Variants in TJP2 observed in about 807,000 individuals in gnomAD.
TJP2 encodes Friedreich ataxia region gene X104 (tight junction protein ZO-2).
A neutral mutation model predicts 133.1 loss-of-function variants in TJP2; 91 were observed. The observed-to-expected ratio is 0.68, with a 90% CI of 0.58 to 0.81. TJP2 has a LOEUF of 0.81. Among genes scored for constraint, TJP2 ranks in the 40% least tolerant of loss-of-function variants. TJP2 has a pLI of 0.00. For missense variants in TJP2, 1,541 were observed against 1,565.6 expected (o/e 0.98, Z 0.26); for synonymous variants, 592 against 583.4 (o/e 1.01, Z -0.21).
chr9:69,230,560 T>A (rs540986850), intron 11 of TJP2, among the ~76,000 whole-genome samples: 2 of 152,330 alleles, frequency 1.3e-5, no homozygotes, highest in African/African-American at 2.4e-5. Flanking sequence ...TGATTTTTGC[T>A]TTTTTCACTG....
intron 1 of TJP2, among the ~76,000 whole-genome samples, chr9:69,144,372 A>G (rs1587900691): frequency 1.3e-5 from 2 of 152,174 alleles, no homozygotes; most frequent in South Asian, 4.1e-4. Flanking sequence ...TGGGACACTC[A>G]CTTTGGACAT....
intron 19 of TJP2, chr9:69,249,129 T>C (rs1831142601): frequency 1.5e-6 from 2 of 1,309,134 alleles, no homozygotes; most frequent in South Asian, 1.7e-5. Context: ...CAAGAGATTT[T>C]AGACTTTTGG....
chr9:69,248,409 G>T, intron 19 of TJP2, 185 bp downstream of exon 19: 1 of 1,433,954 alleles, frequency 7.0e-7, no homozygotes, highest in South Asian at 1.6e-5. Context: ...AGTGGGGCAG[G>T]CAGGTGGACT....
chr9:69,205,092 A>G lies in TJP2; in HGVS notation c.61-7456A>G, dbSNP rs2498440. On this transcript the variant is annotated intron_variant, in intron 1 of 22. Coordinates refer to ENST00000377245, the MANE Select transcript of TJP2 (RefSeq NM_004817.4). ...TATTGTATCCGCCTTACGTAACCAC[A>G]TGGAGTGATGGAAATGGGTGAGCAG... 0.91 allele frequency: 1,398,449 copies of G among 1,531,160 alleles called. 639,292 individuals are homozygous for G. Among genetic ancestry groups the G allele is most frequent in the East Asian group, 0.94 (38,452 of 40,784 alleles). 94.8% of individuals were successfully genotyped at this position (1,531,160 alleles called of 1,614,324 possible).
At chr9:69,141,136 C>T (rs1823001996) in intron 1 of TJP2, among the ~76,000 whole-genome samples, 1 of 152,240 alleles carries the variant, frequency 6.6e-6, no homozygotes, top group Non-Finnish European at 1.5e-5. Context: ...CAGGCGTGAG[C>T]CACTGCACCC....
At chr9:69,130,138 G>A (rs73647079) in intron 1 of TJP2, among the ~76,000 whole-genome samples, 3,711 of 152,230 alleles carry the variant, frequency 0.024, 160 homozygotes, top group African/African-American at 0.084. Flanking sequence ...GCACGGCAGT[G>A]TTTTTCCTTT....
At chr9:69,123,208 C>CTAGTTGGTGTGTGATTT (rs1451615587) in intron 1 of TJP2, among the ~76,000 whole-genome samples, 1 of 102,042 alleles carries the variant, frequency 9.8e-6, no homozygotes, top group African/African-American at 3.2e-5. Flanking sequence ...CACCAGGACA[C>CTAGTTGGTGTGTGATTT]TCTACAGCCG....
At position 69,128,132 on chromosome 9, in the gene TJP2, GT is replaced by G. The variant is rs1406634163; in HGVS notation, c.-131+6410del. On this transcript the variant is annotated intron_variant, in intron 1 of 5. Transcript: ENST00000423935. ...TCATCCATTGCATGGACATGTCATAGTTTGCTTATCCATTCATCCATTATGG... is the reference window on the plus strand; with the variant it reads ...TCATCCATTGCATGGACATGTCATAGTTGCTTATCCATTCATCCATTATGG... Among the ~76,000 whole-genome samples the G allele has an allele frequency of 2.6e-5, 2 of 76,880 alleles. 1 individual carries two copies. The highest frequency in any genetic ancestry group is 6.0e-5 in the Non-Finnish European group (2 of 33,426). The allele number at this position is 76,880 out of a possible 152,430, so 50.4% of individuals were successfully genotyped here.
intron 1 of TJP2, among the ~76,000 whole-genome samples, chr9:69,131,392 G>A (rs774904132): frequency 3.7e-4 from 56 of 152,350 alleles, no homozygotes; most frequent in Admixed American, 1.2e-3. Context: ...AAGAAGGGCA[G>A]TGGCCCACTG....
chr9:69,250,958 A>G, intron 20 of TJP2, 77 bp from the exon 21 acceptor site: 1 of 1,347,414 alleles, frequency 7.4e-7, no homozygotes, highest in African/African-American at 1.4e-5. Context: ...CAGGAAATGG[A>G]GTGTATTAAA....
intron 1 of TJP2, chr9:69,205,241 C>T (rs867024268): frequency 2.0e-6 from 3 of 1,537,210 alleles, no homozygotes; most frequent in Non-Finnish European, 2.6e-6. Context: ...CGTGTGAGTC[C>T]CTCTGCAAGC....
intron 3 of TJP2, among the ~76,000 whole-genome samples, chr9:69,216,785 A>G (rs1023670278): frequency 4.6e-5 from 7 of 152,102 alleles, no homozygotes; most frequent in African/African-American, 1.7e-4. Context: ...CCGATGCTTA[A>G]CCAACACTGT....
intron 1 of TJP2, among the ~76,000 whole-genome samples, chr9:69,205,498 G>A (rs3929882): frequency 8.7e-4 from 133 of 152,320 alleles, no homozygotes; most frequent in Admixed American, 2.9e-3. Context: ...CCATGTGCTA[G>A]GAATCTGTAA....
chr9:69,141,713 C>T (rs1451487271), intron 1 of TJP2, among the ~76,000 whole-genome samples: 3 of 152,138 alleles, frequency 2.0e-5, no homozygotes, highest in Non-Finnish European at 4.4e-5. Flanking sequence ...GCCTCAGCCT[C>T]CCGAGTAGCT....
chr9:69,151,242 G>A (rs1381458726), intron 1 of TJP2, among the ~76,000 whole-genome samples: 6 of 152,200 alleles, frequency 3.9e-5, no homozygotes, highest in Non-Finnish European at 8.8e-5. Flanking sequence ...AGCACTTTGG[G>A]AAGTCGAGGT....
chr9:69,237,516 A>G (rs77829983), intron 14 of TJP2, among the ~76,000 whole-genome samples: 9,568 of 152,198 alleles, frequency 0.063, 322 homozygotes, highest in African/African-American at 0.069. Flanking sequence ...AAATAAAAAA[A>G]GTTTCCATAT....
At chr9:69,239,332 T>C (rs965543028) in intron 16 of TJP2, among the ~76,000 whole-genome samples, 15 of 151,584 alleles carry the variant, frequency 9.9e-5, no homozygotes, top group Non-Finnish European at 1.9e-4. Flanking sequence ...ATATATAATG[T>C]AAATGCAAAC....
intron 3 of TJP2, among the ~76,000 whole-genome samples, chr9:69,217,188 G>A (rs780271366): frequency 2.0e-5 from 3 of 151,772 alleles, no homozygotes; most frequent in Non-Finnish European, 4.4e-5. Context: ...ACGGGTTTTC[G>A]CCATGTTGGC....
chr9:69,233,244 C>T (rs978494014), intron 11 of TJP2, among the ~76,000 whole-genome samples: 1 of 152,304 alleles, frequency 6.6e-6, no homozygotes. Flanking sequence ...CCGACTTTCA[C>T]TTAATCATAA....
Sources: gnomAD v4.1 joint callset for allele counts (sites outside exome capture counted in the v4.1 genomes callset) on GRCh38, gnomAD v4.1.1 for gene constraint, MANE v1.5 for transcripts, NCBI Gene and HGNC (gene_info 2026-07-23, HGNC 2026-07-21) for gene names.